SLC13A3: variants seen among roughly 807,000 people sequenced by gnomAD.
SLC13A3 encodes solute carrier family 13 member 3, also known as Na(+)/dicarboxylate cotransporter 3.
SLC13A3 carries 40 observed loss-of-function variants against 59.0 expected under a neutral mutation model. The observed-to-expected ratio is 0.68, with a 90% confidence interval of 0.53 to 0.88. The LOEUF (loss-of-function observed/expected upper bound fraction) is 0.88, where lower values mean the gene tolerates loss of function less well. Ranked by LOEUF, SLC13A3 falls within the 40% of genes least tolerant of loss-of-function variation. SLC13A3 has a pLI of 0.00. For synonymous variants in SLC13A3, 317 were observed against 330.3 expected, an observed-to-expected ratio of 0.96 and a Z score of 0.44; for missense variants, 699 against 783.2, an observed-to-expected ratio of 0.89 and a Z score of 1.28.
At chr20:46,597,653 T>C (rs919534871) in intron 4 of SLC13A3, among the ~76,000 whole-genome samples, 3 of 152,178 alleles carry the variant, frequency 2.0e-5, no homozygotes, top group African/African-American at 7.2e-5. Context: ...GCCTGGCTGG[T>C]CTCGAACTCC....
upstream of SLC13A3, among the ~76,000 whole-genome samples, chr20:46,651,642 C>T (rs2062953293): frequency 6.6e-6 from 1 of 152,256 alleles, no homozygotes; most frequent in Non-Finnish European, 1.5e-5. Context: ...GCAAACGGGA[C>T]CCCAGCCGCA....
chr20:46,604,067 A>G (rs943255127), intron 3 of SLC13A3, among the ~76,000 whole-genome samples: 2 of 152,130 alleles, frequency 1.3e-5, no homozygotes, highest in African/African-American at 4.8e-5. Flanking sequence ...ATGGGTTACC[A>G]TAGAGAAAGA....
At chr20:46,581,794 C>T (rs1047119857) in intron 9 of SLC13A3, among the ~76,000 whole-genome samples, 1 of 151,994 alleles carries the variant, frequency 6.6e-6, no homozygotes, top group Non-Finnish European at 1.5e-5. Context: ...AGGTGCAAAA[C>T]CTAATAAGCA....
chr20:46,572,452 C>T (rs569498529), intron 10 of SLC13A3, among the ~76,000 whole-genome samples: 6 of 152,220 alleles, frequency 3.9e-5, no homozygotes, highest in Non-Finnish European at 7.4e-5. Flanking sequence ...CCCAGCGTCC[C>T]GCAGCCCAGC....
chr20:46,583,775 A>G, intron 8 of SLC13A3, 106 bp from the exon 9 acceptor site: 2 of 1,518,924 alleles, frequency 1.3e-6, no homozygotes, highest in Non-Finnish European at 1.8e-6. Context: ...GCCTGCTGTG[A>G]AGGGGCCATT....
At chr20:46,615,789 A>G (rs1206775092) in intron 1 of SLC13A3, among the ~76,000 whole-genome samples, 1 of 152,214 alleles carries the variant, frequency 6.6e-6, no homozygotes, top group Non-Finnish European at 1.5e-5. Flanking sequence ...TAGCTTTTCT[A>G]TCAGTGCTCA....
chr20:46,588,811 G>A (rs908610057), intron 7 of SLC13A3, among the ~76,000 whole-genome samples: 4 of 152,164 alleles, frequency 2.6e-5, no homozygotes, highest in African/African-American at 4.8e-5. Flanking sequence ...TACTGAACCC[G>A]TTATTTTCAC....
At chr20:46,641,200 C>T (rs2062843303) in intron 1 of SLC13A3, among the ~76,000 whole-genome samples, 1 of 152,276 alleles carries the variant, frequency 6.6e-6, no homozygotes, top group South Asian at 2.1e-4. Flanking sequence ...GTTACGCAAA[C>T]CAGGAAGCAG....
intron 11 of SLC13A3, among the ~76,000 whole-genome samples, chr20:46,564,780 A>G (rs1382822551): frequency 1.3e-5 from 2 of 152,256 alleles, no homozygotes. Context: ...GGCTCAGGTG[A>G]CACGTCATTG....
intron 1 of SLC13A3, among the ~76,000 whole-genome samples, chr20:46,647,305 G>A (rs2062904901): frequency 6.6e-6 from 1 of 152,074 alleles, no homozygotes; most frequent in African/African-American, 2.4e-5. Flanking sequence ...AACTCCTCTT[G>A]GACAGGTGGT....
At chr20:46,583,890 G>A in intron 8 of SLC13A3, 1 of 985,242 alleles carries the variant, frequency 1.0e-6, no homozygotes, top group East Asian at 1.1e-4. Context: ...TTGGGCTCAA[G>A]CAAATGCTTA....
chr20:46,660,103 G>C (rs1394208636), intron 1 of SLC13A3, among the ~76,000 whole-genome samples: 1 of 152,054 alleles, frequency 6.6e-6, no homozygotes, highest in Non-Finnish European at 1.5e-5. Context: ...ACAATCAATA[G>C]TCTTTAAAAG....
rs1000654252 is a variant in SLC13A3, at chr20:46,634,920, T to C, written c.111+16391A>G. On this transcript the variant is annotated intron_variant, in intron 1 of 12. Transcript: ENST00000279027. ...AAAAGCTCCCCTCAGGCCCCCTCTA[T>C]GTCCCTTTTCCCCTGTCATCCTCTC... Among the ~76,000 whole-genome samples, 15 of 152,330 alleles carry C rather than the reference T, an allele frequency of 9.8e-5. No individual in the cohort carries two copies. The South Asian group carries it at 1.0e-3, about 11-fold the overall frequency.
chr20:46,566,673 C>T (rs1001831679), intron 10 of SLC13A3, among the ~76,000 whole-genome samples: 1 of 152,086 alleles, frequency 6.6e-6, no homozygotes, highest in African/African-American at 2.4e-5. Flanking sequence ...TCTAGCACCC[C>T]TAAGCACCGA....
intron 1 of SLC13A3, among the ~76,000 whole-genome samples, chr20:46,677,252 T>C (rs2063131524): frequency 6.6e-6 from 1 of 152,160 alleles, no homozygotes; most frequent in Admixed American, 6.5e-5. Context: ...TACTGAAAAG[T>C]ACACATATAA....
intron 1 of SLC13A3, among the ~76,000 whole-genome samples, chr20:46,664,639 A>C (rs1310498456): frequency 6.6e-6 from 1 of 152,232 alleles, no homozygotes; most frequent in Non-Finnish European, 1.5e-5. Flanking sequence ...TTATAATCAA[A>C]AGATGAAAAT....
intron 1 of SLC13A3, among the ~76,000 whole-genome samples, chr20:46,625,658 A>G (rs2062661126): frequency 6.6e-6 from 1 of 152,164 alleles, no homozygotes; most frequent in African/African-American, 2.4e-5. Context: ...TGCAATTTCT[A>G]TCACTATAGA....
intron 1 of SLC13A3, among the ~76,000 whole-genome samples, chr20:46,660,528 A>G (rs1007905029): frequency 6.6e-6 from 1 of 152,112 alleles, no homozygotes; most frequent in African/African-American, 2.4e-5. Flanking sequence ...TTCCCCTGTA[A>G]GTAATGCCCC....
At chr20:46,584,636 A>G (rs375469020) in intron 8 of SLC13A3, 8 of 357,952 alleles carry the variant, frequency 2.2e-5, no homozygotes, top group African/African-American at 1.1e-4. Flanking sequence ...CAAGACTTGA[A>G]AAGGAGAGTA....
Sources: allele counts gnomAD v4.1 joint callset (sites outside exome capture counted in the v4.1 genomes callset), GRCh38; gene constraint gnomAD v4.1.1; transcripts MANE v1.5; gene names NCBI Gene and HGNC (gene_info 2026-07-23, HGNC 2026-07-21).